The following ADAMTS12 variants were observed in gnomAD, a reference collection of about 807,000 sequenced individuals.
ADAMTS12 encodes the protein A disintegrin and metalloproteinase with thrombospondin motifs 12.
Under a neutral mutation model 167.8 loss-of-function variants are expected in ADAMTS12, and 118 were observed. The observed-to-expected ratio is 0.70, with a 90% CI of 0.61 to 0.82. The LOEUF (loss-of-function observed/expected upper bound fraction) is 0.82. Ranked by LOEUF, ADAMTS12 falls within the 40% of genes least tolerant of loss-of-function variation. The pLI, the probability that ADAMTS12 is intolerant of heterozygous loss-of-function variation, is 0.00. For missense variants in ADAMTS12, 1,916 were observed against 1,998.8 expected, an observed-to-expected ratio of 0.96 and a Z score of 0.79; for synonymous variants, 704 against 716.9, an observed-to-expected ratio of 0.98 and a Z score of 0.29.
chr5:33,728,402 C>T (rs1744063235), intron 3 of ADAMTS12, among the ~76,000 whole-genome samples: 1 of 152,144 alleles, frequency 6.6e-6, no homozygotes, highest in African/African-American at 2.4e-5. Context: ...GGGATGAGAC[C>T]TTGGTGGCAG....
chr5:33,887,256 G>A (rs1750668635), intron 1 of ADAMTS12, among the ~76,000 whole-genome samples: 1 of 152,112 alleles, frequency 6.6e-6, no homozygotes, highest in Admixed American at 6.5e-5. Context: ...AATCCTCACA[G>A]TTCTCTGAGT....
intron 12 of ADAMTS12, among the ~76,000 whole-genome samples, chr5:33,632,638 C>T (rs1010732345): frequency 2.6e-5 from 4 of 152,028 alleles, no homozygotes; most frequent in African/African-American, 4.8e-5. Context: ...TCTGTTACTG[C>T]GCAAACTGGA....
intron 2 of ADAMTS12, among the ~76,000 whole-genome samples, chr5:33,873,416 A>C (rs972545197): frequency 6.6e-6 from 1 of 152,190 alleles, no homozygotes. Flanking sequence ...GAAATAAAAG[A>C]AGCTATAAAT....
intron 7 of ADAMTS12, among the ~76,000 whole-genome samples, chr5:33,653,059 T>C (rs563226554): frequency 1.3e-5 from 2 of 152,278 alleles, no homozygotes; most frequent in South Asian, 4.1e-4. Flanking sequence ...TAGTACTATG[T>C]TGAATAAGAA....
chr5:33,848,978 G>A (rs1749058963), intron 2 of ADAMTS12, among the ~76,000 whole-genome samples: 2 of 149,110 alleles, frequency 1.3e-5, no homozygotes, highest in South Asian at 4.2e-4. Flanking sequence ...GTATTGCATA[G>A]CAATATATAT....
chr5:33,631,836 T>G (rs10941073), intron 12 of ADAMTS12, among the ~76,000 whole-genome samples: 4,642 of 152,268 alleles, frequency 0.03, 249 homozygotes, highest in East Asian at 0.21. Context: ...CTTCTGGATG[T>G]GTTTATTATG....
At chr5:33,828,556 A>G (rs1389088805) in intron 2 of ADAMTS12, among the ~76,000 whole-genome samples, 2 of 152,086 alleles carry the variant, frequency 1.3e-5, no homozygotes, top group Non-Finnish European at 2.9e-5. Context: ...TGTTCCTACC[A>G]CTAAGTCACT....
chr5:33,531,409 C>T (rs1293664223), intron 23 of ADAMTS12, among the ~76,000 whole-genome samples: 2 of 152,184 alleles, frequency 1.3e-5, no homozygotes, highest in Admixed American at 6.5e-5. Context: ...TTACCACACA[C>T]TAGGCAATGT....
At chr5:33,862,843 C>G (rs1749672372) in intron 2 of ADAMTS12, among the ~76,000 whole-genome samples, 1 of 152,100 alleles carries the variant, frequency 6.6e-6, no homozygotes, top group Non-Finnish European at 1.5e-5. Flanking sequence ...AGCTTATCCA[C>G]CAAGATCAAG....
At chr5:33,769,355 A>C (rs1366480210) in intron 2 of ADAMTS12, among the ~76,000 whole-genome samples, 1 of 152,174 alleles carries the variant, frequency 6.6e-6, no homozygotes. Context: ...TCAAGTACAA[A>C]TGGAGGGACC....
chr5:33,580,836 C>G (rs1467649862), intron 18 of ADAMTS12, among the ~76,000 whole-genome samples: 2 of 152,182 alleles, frequency 1.3e-5, no homozygotes, highest in Non-Finnish European at 2.9e-5. Context: ...ATCTATTGCT[C>G]TCATTCCCAA....
At chr5:33,882,740 C>T (rs948982575) in intron 1 of ADAMTS12, among the ~76,000 whole-genome samples, 5 of 152,108 alleles carry the variant, frequency 3.3e-5, no homozygotes, top group Non-Finnish European at 7.4e-5. Context: ...TACAGGTGTG[C>T]ACCACCATGC....
intron 18 of ADAMTS12, among the ~76,000 whole-genome samples, chr5:33,585,076 TCC>T (rs1561146453): frequency 6.7e-6 from 1 of 148,812 alleles, no homozygotes; most frequent in African/African-American, 2.4e-5. Flanking sequence ...CATCCATCCA[TCC>T]ATCCCTCCAA....
At chr5:33,762,616 C>T (rs1579915011) in intron 2 of ADAMTS12, among the ~76,000 whole-genome samples, 1 of 151,914 alleles carries the variant, frequency 6.6e-6, no homozygotes, top group African/African-American at 2.4e-5. Context: ...ATGACAAGGC[C>T]AGAAGGGAAA....
At chr5:33,833,230 C>T (rs1459536364) in intron 2 of ADAMTS12, among the ~76,000 whole-genome samples, 1 of 152,220 alleles carries the variant, frequency 6.6e-6, no homozygotes, top group African/African-American at 2.4e-5. Context: ...AAGTACACCT[C>T]CAACTGCATA....
rs531640319 is a variant in ADAMTS12 at position 33,585,036 on chromosome 5, T to G, written c.2865+3563A>C. ...TTATTAAGTACATGGTGGTTATCCA[T>G]GTATCCATCCATCCATCCATCCATC... On this transcript the variant is annotated intron_variant, in intron 18 of 23. Coordinates refer to ENST00000504830, the MANE Select transcript of ADAMTS12 (RefSeq NM_030955.4). 2.0e-3 allele frequency among the ~76,000 whole-genome samples: 284 copies of G among 142,108 alleles called. 5 individuals carry two copies. The South Asian group carries it at 0.038, about 19-fold the overall frequency. 93.2% of individuals were successfully genotyped at this position (142,108 alleles called of 152,430 possible).
rs1387954657 is a variant in ADAMTS12, at chr5:33,883,339, T to G, written c.128-1859A>C. 8.5e-4 allele frequency among the ~76,000 whole-genome samples: 107 copies of G among 125,858 alleles called. 1 individual carries two copies. Among genetic ancestry groups the G allele is most frequent in the South Asian group, 1.4e-3 (6 of 4,196 alleles). The allele number at this position is 125,858 out of a possible 152,430, so 82.6% of individuals were successfully genotyped here. ...TGGTTTTTTTTTTGTTTTTTTTTTT[T>G]TTGTTTTTTTTTTTTCCAGGCAACT... On this transcript the variant is annotated intron_variant, in intron 1 of 23. Coordinates refer to ENST00000504830, the MANE Select transcript of ADAMTS12 (RefSeq NM_030955.4).
chr5:33,535,076 T>G, intron 22 of ADAMTS12, 84 bp from the exon 23 acceptor site: 2 of 1,366,988 alleles, frequency 1.5e-6, no homozygotes, highest in Non-Finnish European at 2.0e-6. Context: ...AATCCCACTG[T>G]GGTCAAGAAT....
At chr5:33,614,624 T>C (rs28542423) in intron 15 of ADAMTS12, among the ~76,000 whole-genome samples, 36,441 of 152,158 alleles carry the variant, frequency 0.24, 4,511 homozygotes, top group South Asian at 0.33. Context: ...AGTTCTTGGC[T>C]GGATTCCCAT....
Sources: allele counts gnomAD v4.1 joint callset (sites outside exome capture counted in the v4.1 genomes callset), GRCh38; gene constraint gnomAD v4.1.1; transcripts MANE v1.5; gene names NCBI Gene and HGNC (gene_info 2026-07-23, HGNC 2026-07-21).